The following NEK5 variants were observed in gnomAD, a reference collection of about 807,000 sequenced individuals.
The protein encoded by NEK5 is NIMA related kinase 5.
Under a neutral mutation model 109.2 loss-of-function variants are expected in NEK5, and 88 were observed. That is an observed-to-expected ratio of 0.81 (90% CI 0.68 to 0.96). NEK5 has a LOEUF of 0.96. Ranked by LOEUF, NEK5 falls within the 40% of genes least tolerant of loss-of-function variation. The pLI is 0.00. For synonymous variants in NEK5, 283 were observed against 299.9 expected, an observed-to-expected ratio of 0.94 and a Z score of 0.58; for missense variants, 834 against 920.7, an observed-to-expected ratio of 0.91 and a Z score of 1.22.
At chr13:52,099,210 AT>A (rs78199529) in intron 12 of NEK5, among the ~76,000 whole-genome samples, 2,472 of 151,012 alleles carry the variant, frequency 0.016, 75 homozygotes, top group Admixed American at 0.081. Flanking sequence ...ACCCACAAAA[AT>A]TTTTTTTTTA....
chr13:52,075,706 A>G, intron 19 of NEK5, 52 bp downstream of exon 19: 2 of 1,038,714 alleles, frequency 1.9e-6, no homozygotes, highest in South Asian at 2.9e-5. Context: ...TGCTATTAAG[A>G]TATATGCATT....
At position 52,076,045 on chromosome 13, in the gene NEK5, G is replaced by A. The variant is rs375656818; in HGVS notation, c.1653+18C>T. The A allele has an allele frequency of 8.1e-5, 121 of 1,497,952 alleles. 1 individual carries two copies. In the African/African-American group the frequency reaches 1.4e-3, roughly 17 times the overall value. 92.8% of individuals were successfully genotyped at this position (1,497,952 alleles called of 1,614,324 possible). On this transcript the variant is annotated intron_variant, in intron 18 of 23. Transcript: ENST00000684899. ...CCAGCTATTTAATATGGAACCCAAA[G>A]ACAAAAGTATTTCTTACCTTAGCTT...
At chr13:52,075,679 A>C in intron 19 of NEK5, 79 bp downstream of exon 19, 1 of 893,844 alleles carries the variant, frequency 1.1e-6, no homozygotes, top group South Asian at 1.6e-5. Context: ...CAGCCTGTGA[A>C]ATAATTTCAT....
chr13:52,120,730 G>A (rs1955951277), intron 3 of NEK5, among the ~76,000 whole-genome samples: 1 of 152,008 alleles, frequency 6.6e-6, no homozygotes, highest in African/African-American at 2.4e-5. Context: ...GGCCAACATA[G>A]CAAAACCCTG....
rs61475418 is a variant in NEK5 at position 52,087,168 on chromosome 13, C to T, written c.1392+170G>A. ...AAAAGCTTTATGAACTTAGCCATATCGCATTATCTGAGAAAGTGAAATACC... is the reference window on the plus strand; with the variant it reads ...AAAAGCTTTATGAACTTAGCCATATTGCATTATCTGAGAAAGTGAAATACC... On this transcript the variant is annotated intron_variant, in intron 15 of 23. Transcript: ENST00000684899. Among the ~76,000 whole-genome samples, 616 of 152,268 alleles carry T rather than the reference C, an allele frequency of 4.0e-3. 3 individuals carry two copies. Among genetic ancestry groups the T allele is most frequent in the African/African-American group, 0.013 (553 of 41,542 alleles).
At chr13:52,038,825 G>A (rs77138775) in intron 23 of NEK5, among the ~76,000 whole-genome samples, 15,365 of 94,392 alleles carry the variant, frequency 0.16, 850 homozygotes, top group Middle Eastern at 0.24. Context: ...ACACTCATCT[G>A]AAAAAAAAAA....
At chr13:52,061,163 A>T (rs765148134) in intron 22 of NEK5, among the ~76,000 whole-genome samples, 2 of 152,224 alleles carry the variant, frequency 1.3e-5, no homozygotes, top group Non-Finnish European at 2.9e-5. Context: ...ACCTCAGATC[A>T]TCAGGCATTA....
chr13:52,050,046 G>A, intron 23 of NEK5, 58 bp downstream of exon 23: 1 of 580,338 alleles, frequency 1.7e-6, no homozygotes, highest in African/African-American at 2.0e-5. Flanking sequence ...TGTCTCAACT[G>A]CAGCATTTTC....
chr13:52,072,444 T>C (rs1401822286), intron 19 of NEK5, among the ~76,000 whole-genome samples: 1 of 152,224 alleles, frequency 6.6e-6, no homozygotes, highest in East Asian at 1.9e-4. Flanking sequence ...CTCCTAGTAT[T>C]TTGTAGTCAA....
chr13:52,087,589 A>G, intron 14 of NEK5, 135 bp from the exon 15 acceptor site: 1 of 508,266 alleles, frequency 2.0e-6, no homozygotes, highest in Non-Finnish European at 3.5e-6. Context: ...TTTTTGTGGT[A>G]AGTAGTAGAA....
chr13:52,050,070 G>T, intron 23 of NEK5, 34 bp downstream of exon 23: 3 of 801,594 alleles, frequency 3.7e-6, no homozygotes, highest in Non-Finnish European at 4.5e-6. Context: ...TTGTACCAGT[G>T]CTCGACTTAG....
At chr13:52,066,477 A>G (rs1423035428) in intron 20 of NEK5, among the ~76,000 whole-genome samples, 1 of 151,118 alleles carries the variant, frequency 6.6e-6, no homozygotes, top group Non-Finnish European at 1.5e-5. Flanking sequence ...TTTTTTTTCT[A>G]TGTATTTTGA....
intron 16 of NEK5, among the ~76,000 whole-genome samples, chr13:52,084,733 GT>G (rs1955087722): frequency 8.7e-6 from 1 of 114,982 alleles, no homozygotes; most frequent in Non-Finnish European, 1.8e-5. Flanking sequence ...GAGAGAGAGA[GT>G]GAGAGAGAGA....
At chr13:52,094,988 G>T (rs1175948621) in intron 12 of NEK5, among the ~76,000 whole-genome samples, 1 of 152,304 alleles carries the variant, frequency 6.6e-6, no homozygotes, top group South Asian at 2.1e-4. Flanking sequence ...TGTGATCATA[G>T]CTCATCGCAG....
rs568491428 is a variant in NEK5 at position 52,113,155 on chromosome 13, T to C, written c.215-790A>G. Among the ~76,000 whole-genome samples, 12 of 152,008 alleles carry C rather than the reference T, an allele frequency of 7.9e-5. No homozygotes were observed. The South Asian group carries it at 2.5e-3, about 32-fold the overall frequency. The stretch of plus-strand genomic sequence containing the variant: ...AAATAGCTATTGACCTAAATGTTGA[T>C]GGGATGAATGAAATATAACTGGAAA... On this transcript the variant is annotated intron_variant, in intron 4 of 23. Coordinates refer to ENST00000684899, the MANE Select transcript of NEK5 (RefSeq NM_001365552.1).
intron 21 of NEK5, chr13:52,064,854 T>C (rs990395666): frequency 3.8e-6 from 1 of 260,724 alleles, no homozygotes; most frequent in Non-Finnish European, 7.4e-6. Flanking sequence ...ACATGTGCTG[T>C]GTCCACTCAG....
chr13:52,075,538 G>C (rs1048849048), intron 19 of NEK5, among the ~76,000 whole-genome samples: 2 of 151,992 alleles, frequency 1.3e-5, no homozygotes, highest in African/African-American at 4.8e-5. Context: ...TAACTACTGG[G>C]TATTATGCTC....
rs55896522 is a variant in NEK5, at chr13:52,097,408, C to T, written c.1026+2335G>A. On this transcript the variant is annotated intron_variant, in intron 12 of 23. Coordinates refer to ENST00000684899, the MANE Select transcript of NEK5 (RefSeq NM_001365552.1). ...GCCGCAGGGGCTGTAGCCTGCAAAG[C>T]CTCAGGAGCAGAGCTGCCCAAGGCC... Among the ~76,000 whole-genome samples the T allele has an allele frequency of 5.9e-3, 892 of 152,344 alleles. 13 individuals carry two copies. The highest frequency in any genetic ancestry group is 0.02 in the African/African-American group (850 of 41,588).
intron 21 of NEK5, among the ~76,000 whole-genome samples, chr13:52,062,292 C>CA (rs1286663324): frequency 6.6e-6 from 1 of 152,164 alleles, no homozygotes; most frequent in African/African-American, 2.4e-5. Context: ...CAACTTACAG[C>CA]ACATGTACAA....
Sources: allele counts gnomAD v4.1 joint callset (sites outside exome capture counted in the v4.1 genomes callset), GRCh38; gene constraint gnomAD v4.1.1; transcripts MANE v1.5; gene names NCBI Gene and HGNC (gene_info 2026-07-23, HGNC 2026-07-21).